The following RSRP1 variants were observed in gnomAD, a reference collection of about 807,000 sequenced individuals.
The protein encoded by RSRP1 is arginine and serine rich protein 1.
A neutral mutation model predicts 33.0 loss-of-function variants in RSRP1; 37 were observed. That is an observed-to-expected ratio of 1.12 (90% CI 0.86 to 1.48). RSRP1 has a LOEUF of 1.48. RSRP1 is among the 40% of genes most tolerant of loss of function. RSRP1 has a pLI of 0.00. For synonymous variants in RSRP1, 167 were observed against 158.7 expected (o/e 1.05, Z -0.40); for missense variants, 402 against 385.3 (o/e 1.04, Z -0.36).
intron 3 of RSRP1, chr1:25,244,373 C>G: frequency 7.8e-7 from 1 of 1,289,130 alleles, no homozygotes; most frequent in Middle Eastern, 2.1e-4. Flanking sequence ...CATGGATCTA[C>G]CAACAAAAAA....
chr1:25,307,706 G>A lies in RSRP1; in HGVS notation c.-67+30272C>T, dbSNP rs549377943. 2.4e-5 allele frequency: 31 copies of A among 1,308,348 alleles called. 6 individuals are homozygous for A. The highest frequency in any genetic ancestry group is 1.5e-4 in the East Asian group (6 of 40,694). The allele number at this position is 1,308,348 out of a possible 1,614,324, so 81.0% of individuals were successfully genotyped here. A position where few individuals can be genotyped will look rare whatever the true frequency, so the allele number is the denominator to read the frequency against. On this transcript the variant is annotated intron_variant, in intron 1 of 1. Coordinates refer to the RSRP1 transcript ENST00000561867. The stretch of plus-strand genomic sequence containing the variant: ...GAAGCAGGTGATGAGGAGCTGATGC[G>A]TTTGGACGTGTCTCAGAGAAATCAT...
In RSRP1 at chr1:25,333,115, C is replaced by G. The variant is rs1645038777; in HGVS notation, c.-67+4863G>C. On this transcript the variant is annotated intron_variant, in intron 1 of 1. Coordinates refer to the RSRP1 transcript ENST00000561867. ...GGAATGGAAGCGTGTATTCCAGCTC[C>G]AAGAGAGTAAGACCAATTTGCCTTT... 5.3e-5 allele frequency among the ~76,000 whole-genome samples: 7 copies of G among 132,348 alleles called. 2 individuals are homozygous for G. The highest frequency in any genetic ancestry group is 5.1e-4 in the Admixed American group (7 of 13,632). 86.8% of individuals were successfully genotyped at this position (132,348 alleles called of 152,430 possible). A position where few individuals can be genotyped will look rare whatever the true frequency, so the allele number is the denominator to read the frequency against.
rs590813 is a variant in RSRP1, at chr1:25,303,436, G to A, written c.-67+34542C>T. 4.2e-4 allele frequency: 583 copies of A among 1,378,528 alleles called. 112 individuals carry two copies. Among genetic ancestry groups the A allele is most frequent in the African/African-American group, 3.1e-3 (215 of 70,168 alleles). The allele number at this position is 1,378,528 out of a possible 1,614,324, so 85.4% of individuals were successfully genotyped here. On this transcript the variant is annotated intron_variant, in intron 1 of 1. Coordinates refer to the RSRP1 transcript ENST00000561867. ...GGGTCTTGTGGCTGGGCTGATCTCC[G>A]TCGGGGGAGCCAAGTACCTGCCGGT...
chr1:25,318,964 G>A (rs1280633078), intron 1 of RSRP1, among the ~76,000 whole-genome samples: 1 of 133,192 alleles, frequency 7.5e-6, no homozygotes, highest in Non-Finnish European at 1.8e-5. Flanking sequence ...AAGAAGCAGA[G>A]GCGGAGTAGC....
Position 25,303,480 on chromosome 1 carries a change from C to G in RSRP1, c.-67+34498G>C, listed in dbSNP as rs750571214. The G allele has an allele frequency of 1.0e-5, 14 of 1,378,662 alleles. 3 individuals carry two copies. Among genetic ancestry groups the G allele is most frequent in the Middle Eastern group, 1.8e-4 (1 of 5,420 alleles). The allele number at this position is 1,378,662 out of a possible 1,614,324, so 85.4% of individuals were successfully genotyped here. ...TGCCGGTAAGAAACTAGACAACTAA[C>G]CTCCTCTGCTTTGGCTGAAGGCCAG... On this transcript the variant is annotated intron_variant, in intron 1 of 1. Transcript: ENST00000561867.
chr1:25,248,771 T>C (rs1639669291), upstream of RSRP1, among the ~76,000 whole-genome samples: 1 of 152,210 alleles, frequency 6.6e-6, no homozygotes, highest in Admixed American at 6.5e-5. Flanking sequence ...GTTTCTTCTC[T>C]AAATCTCAAG....
rs866284810 is a variant in RSRP1 at position 25,267,859 on chromosome 1, G to T, written c.-66-20830C>A. 8.4e-5 allele frequency: 11 copies of T among 131,382 alleles called. 1 individual carries two copies. In the South Asian group the frequency reaches 1.6e-3, roughly 20 times the overall value. The allele number at this position is 131,382 out of a possible 1,614,324, so 8.1% of individuals were successfully genotyped here. A position where few individuals can be genotyped will look rare whatever the true frequency, so the allele number is the denominator to read the frequency against. On this transcript the variant is annotated intron_variant, in intron 1 of 1. Coordinates refer to the RSRP1 transcript ENST00000561867. The stretch of plus-strand genomic sequence containing the variant: ...TCCAAACTAGCACTCCCGACGTCCA[G>T]CTGTGAACCCAGAGCGGCGGAAAGC...
At chr1:25,245,361 G>A (rs1000314125) in intron 2 of RSRP1, 60 bp from the exon 3 acceptor site, 6 of 1,526,726 alleles carry the variant, frequency 3.9e-6, no homozygotes, top group South Asian at 2.4e-5. Flanking sequence ...TTTCCCAAGA[G>A]AACTCAGAAT....
chr1:25,271,673 G>C (rs537508342), intron 1 of RSRP1, among the ~76,000 whole-genome samples: 1 of 132,550 alleles, frequency 7.5e-6, no homozygotes, highest in African/African-American at 2.6e-5. Context: ...TGCAGGGTTA[G>C]AACTAAGTCC....
Position 25,306,613 on chromosome 1 carries a change from G to A in RSRP1, c.-67+31365C>T, listed in dbSNP as rs146292192. ...GTCCACAGGGGTGTTGTAACCGAGT[G>A]CTGGGGATTCCCCACAGCTCCATCA... On this transcript the variant is annotated intron_variant, in intron 1 of 1. Coordinates refer to the RSRP1 transcript ENST00000561867. 4.9e-4 allele frequency: 670 copies of A among 1,378,352 alleles called. 120 individuals are homozygous for A. In the African/African-American group the frequency reaches 7.6e-3, roughly 16 times the overall value. The allele number at this position is 1,378,352 out of a possible 1,614,324, so 85.4% of individuals were successfully genotyped here.
intron 3 of RSRP1, chr1:25,243,954 G>C: frequency 8.7e-7 from 1 of 1,152,872 alleles, no homozygotes; most frequent in Non-Finnish European, 1.1e-6. Flanking sequence ...AAGAAACTAA[G>C]GCATTTGCCA....
chr1:25,282,513 C>T lies in RSRP1; in HGVS notation c.-66-35484G>A, dbSNP rs1364945993. ...CTCCTAAATTGGTATCTTTATATGT[C>T]CAAAAGAGTCAACTGGTGGCAATTT... On this transcript the variant is annotated intron_variant, in intron 1 of 1. Coordinates refer to the RSRP1 transcript ENST00000561867. 1.5e-5 allele frequency among the ~76,000 whole-genome samples: 2 copies of T among 131,966 alleles called. 1 individual carries two copies. The highest frequency in any genetic ancestry group is 3.6e-5 in the Non-Finnish European group (2 of 55,780). 86.6% of individuals were successfully genotyped at this position (131,966 alleles called of 152,430 possible). A position where few individuals can be genotyped will look rare whatever the true frequency, so the allele number is the denominator to read the frequency against.
intron 1 of RSRP1, among the ~76,000 whole-genome samples, chr1:25,333,754 T>C (rs1645045720): frequency 7.7e-6 from 1 of 129,240 alleles, no homozygotes; most frequent in African/African-American, 2.7e-5. Flanking sequence ...CGAAAGGCAA[T>C]GAGGAGCAAG....
At chr1:25,261,068 A>C (rs1046945396) in intron 1 of RSRP1, among the ~76,000 whole-genome samples, 1 of 151,746 alleles carries the variant, frequency 6.6e-6, no homozygotes, top group Non-Finnish European at 1.5e-5. Flanking sequence ...CCAAAGTGCT[A>C]GGATTACAGG....
intron 4 of RSRP1, 72 bp downstream of exon 4, chr1:25,243,478 G>C: frequency 6.4e-7 from 1 of 1,566,084 alleles, no homozygotes; most frequent in Non-Finnish European, 8.7e-7. Context: ...TCACCACAAA[G>C]ATAAAAACAC....
At chr1:25,310,973 CAAA>C (rs1158185993) in intron 1 of RSRP1, among the ~76,000 whole-genome samples, 1 of 74,574 alleles carries the variant, frequency 1.3e-5, no homozygotes, top group African/African-American at 4.6e-5. Context: ...AACTCCATCT[CAAA>C]AAAAAAAAAA....
At chr1:25,303,491 T>G (rs780382420) in intron 1 of RSRP1, 1 of 1,377,610 alleles carries the variant, frequency 7.3e-7, no homozygotes, top group Admixed American at 1.8e-5. Flanking sequence ...CTCCTCTGCT[T>G]TGGCTGAAGG....
Position 25,306,337 on chromosome 1 carries a change from G to C in RSRP1, c.-67+31641C>G, listed in dbSNP as rs1408954539. ...CTTGCTACTCATAGTGTGGTCCGTAGACCAGCAGCATTGGCATCACCTGGG... is the reference window on the plus strand; with the variant it reads ...CTTGCTACTCATAGTGTGGTCCGTACACCAGCAGCATTGGCATCACCTGGG... On this transcript the variant is annotated intron_variant, in intron 1 of 1. Coordinates refer to the RSRP1 transcript ENST00000561867. Among the ~76,000 whole-genome samples, 7 of 131,916 alleles carry C rather than the reference G, an allele frequency of 5.3e-5. 1 individual carries two copies. Among genetic ancestry groups the C allele is most frequent in the African/African-American group, 1.8e-4 (7 of 38,280 alleles). The allele number at this position is 131,916 out of a possible 152,430, so 86.5% of individuals were successfully genotyped here.
chr1:25,274,735 C>T lies in RSRP1; in HGVS notation c.-66-27706G>A, dbSNP rs553014286. ...AAAGGGGAAACAAAGGGCCGGGCGACGTGGCTCACGCCTGTAATCCCGGCA... is the reference window on the plus strand; with the variant it reads ...AAAGGGGAAACAAAGGGCCGGGCGATGTGGCTCACGCCTGTAATCCCGGCA... On this transcript the variant is annotated intron_variant, in intron 1 of 1. Transcript: ENST00000561867. Among the ~76,000 whole-genome samples, 8 of 133,958 alleles carry T rather than the reference C, an allele frequency of 6.0e-5. 3 individuals are homozygous for T. In the South Asian group the frequency reaches 6.8e-4, roughly 11 times the overall value. 87.9% of individuals were successfully genotyped at this position (133,958 alleles called of 152,430 possible). A position where few individuals can be genotyped will look rare whatever the true frequency, so the allele number is the denominator to read the frequency against.
Sources: gnomAD v4.1 joint callset for allele counts (sites outside exome capture counted in the v4.1 genomes callset) on GRCh38, gnomAD v4.1.1 for gene constraint, MANE v1.5 for transcripts, NCBI Gene and HGNC (gene_info 2026-07-23, HGNC 2026-07-21) for gene names.